Variants in PAK5 observed in about 807,000 individuals in gnomAD.
PAK5 encodes serine/threonine-protein kinase PAK 5.
In PAK5, 16 loss-of-function variants were observed where a neutral mutation model predicts 65.9. The ratio of observed to expected loss-of-function variants is 0.24; its 90% CI spans 0.16 to 0.37. The LOEUF is 0.37. Among genes scored for constraint, PAK5 ranks in the 10% least tolerant of loss-of-function variants. PAK5 has a pLI of 1.00. For synonymous variants in PAK5, 371 were observed against 354.9 expected, an observed-to-expected ratio of 1.05 and a Z score of -0.51; for missense variants, 785 against 903.9, an observed-to-expected ratio of 0.87 and a Z score of 1.69.
At chr20:9,582,009 A>AT (rs369933688) in intron 3 of PAK5, among the ~76,000 whole-genome samples, 2 of 150,886 alleles carry the variant, frequency 1.3e-5, no homozygotes, top group Admixed American at 6.6e-5. Context: ...CAAAGGGTTT[A>AT]TTTTTTTTCT....
rs1187958206 is a variant in PAK5 at position 9,580,652 on chromosome 20, T to G, written c.483A>C (p.Arg161Ser). Residue 161 changes from arginine to serine, a missense_variant, in exon 4 of 10, where the codon AGA becomes AGC. Around this residue, in one of 4 missense-constraint regions of PAK5, gnomAD observed 422 missense variants for 413.3 expected, o/e 1.02. Transcript: ENST00000353224. ...CATTTTGCTTGGCTGCGTGGCTGCC[T>G]CTATAATACGGATCCAGATCATCTC... ...LYGDDLDPYY[R>S]GSHAAKQNGH... 6.2e-7 allele frequency: 1 copy of G among 1,614,106 alleles called. No homozygotes were observed. The highest frequency in any genetic ancestry group is 8.5e-7 in the Non-Finnish European group (1 of 1,180,006).
At chr20:9,606,277 C>T (rs933942937) in intron 3 of PAK5, among the ~76,000 whole-genome samples, 1 of 152,230 alleles carries the variant, frequency 6.6e-6, no homozygotes, top group African/African-American at 2.4e-5. Flanking sequence ...ATCTGCTCCA[C>T]CTCTGCCTTC....
intron 1 of PAK5, among the ~76,000 whole-genome samples, chr20:9,713,808 C>T (rs2048108347): frequency 6.6e-6 from 1 of 151,912 alleles, no homozygotes; most frequent in South Asian, 2.1e-4. Context: ...AAATGTAGAC[C>T]TCACGGAGGT....
At chr20:9,771,892 G>T (rs912843006) in intron 1 of PAK5, among the ~76,000 whole-genome samples, 4 of 151,994 alleles carry the variant, frequency 2.6e-5, no homozygotes, top group African/African-American at 9.7e-5. Context: ...ACAAAAATTA[G>T]CCAGGTGTGC....
At chr20:9,590,399 C>G (rs78988147) in intron 3 of PAK5, among the ~76,000 whole-genome samples, 1 of 152,098 alleles carries the variant, frequency 6.6e-6, no homozygotes, top group African/African-American at 2.4e-5. Context: ...AAATCTGGCC[C>G]TCTGCCTGTT....
intron 1 of PAK5, among the ~76,000 whole-genome samples, chr20:9,774,106 AAGAAAGTGT>A (rs1197636835): frequency 3.3e-5 from 5 of 152,230 alleles, no homozygotes; most frequent in African/African-American, 1.2e-4. Flanking sequence ...TCGCCATGGT[AAGAAAGTGT>A]CAATCTGGGA....
intron 1 of PAK5, among the ~76,000 whole-genome samples, chr20:9,837,886 A>G (rs2123799279): frequency 6.6e-6 from 1 of 152,290 alleles, no homozygotes; most frequent in African/African-American, 2.4e-5. Flanking sequence ...TAAAAAGACC[A>G]CCATAAATAG....
intron 1 of PAK5, among the ~76,000 whole-genome samples, chr20:9,728,508 C>G (rs972693366): frequency 2.0e-5 from 3 of 152,064 alleles, no homozygotes; most frequent in Admixed American, 2.0e-4. Context: ...AGCCTTCAGA[C>G]TAATCCAAAT....
chr20:9,650,767 C>T (rs56110327), intron 2 of PAK5, among the ~76,000 whole-genome samples: 22,734 of 152,106 alleles, frequency 0.15, 2,197 homozygotes, highest in South Asian at 0.37. Flanking sequence ...CTTATGGTCC[C>T]CACTTCCCAG....
intron 1 of PAK5, among the ~76,000 whole-genome samples, chr20:9,771,992 C>T (rs371795984): frequency 4.6e-5 from 7 of 152,178 alleles, no homozygotes; most frequent in African/African-American, 1.2e-4. Context: ...GAACAGAGAT[C>T]GCACCACTGC....
chr20:9,589,673 T>C (rs917586666), intron 3 of PAK5, among the ~76,000 whole-genome samples: 2 of 152,222 alleles, frequency 1.3e-5, no homozygotes, highest in Non-Finnish European at 2.9e-5. Context: ...TTCTGTTTTT[T>C]TGTTTGTTTG....
intron 6 of PAK5, among the ~76,000 whole-genome samples, chr20:9,561,257 C>T (rs986787879): frequency 6.6e-6 from 1 of 151,888 alleles, no homozygotes; most frequent in Non-Finnish European, 1.5e-5. Context: ...TCCATGGATA[C>T]AAAATAAGAA....
chr20:9,600,491 T>G (rs942467391), intron 3 of PAK5, among the ~76,000 whole-genome samples: 1 of 152,246 alleles, frequency 6.6e-6, no homozygotes, highest in African/African-American at 2.4e-5. Flanking sequence ...GAGGATGTCT[T>G]TTCATTTATT....
chr20:9,576,803 C>T (rs2045892577), intron 4 of PAK5, among the ~76,000 whole-genome samples: 1 of 152,198 alleles, frequency 6.6e-6, no homozygotes, highest in Non-Finnish European at 1.5e-5. Context: ...CCCATTTCCT[C>T]ATCTGTACAA....
intron 3 of PAK5, among the ~76,000 whole-genome samples, chr20:9,628,068 C>T (rs913197098): frequency 1.3e-5 from 2 of 152,124 alleles, no homozygotes; most frequent in African/African-American, 4.8e-5. Flanking sequence ...GAGAGAAAAT[C>T]TCAAAATATT....
At chr20:9,681,491 G>A (rs1266240132) in intron 2 of PAK5, among the ~76,000 whole-genome samples, 1 of 152,060 alleles carries the variant, frequency 6.6e-6, no homozygotes, top group Non-Finnish European at 1.5e-5. Context: ...GGTCAATCAA[G>A]TATTTGTTAT....
At position 9,563,160 on chromosome 20, in the gene PAK5, C is replaced by G. The variant is rs1476748046; in HGVS notation, c.1483-136G>C. The stretch of plus-strand genomic sequence containing the variant: ...GGAAGTTTATTCAGAAAATCTATTA[C>G]AGACAAAAAGCATCAAGGGTAGCTA... On this transcript the variant is annotated intron_variant, in intron 5 of 9. Transcript: ENST00000353224. 6.3e-6 allele frequency: 5 copies of G among 794,306 alleles called. No homozygotes were observed. In the Admixed American group the frequency reaches 1.2e-4, roughly 19 times the overall value. The allele number at this position is 794,306 out of a possible 1,614,324, so 49.2% of individuals were successfully genotyped here. A position where few individuals can be genotyped will look rare whatever the true frequency, so the allele number is the denominator to read the frequency against.
At chr20:9,571,871 TGA>T (rs2045788267) in intron 4 of PAK5, among the ~76,000 whole-genome samples, 2 of 33,806 alleles carry the variant, frequency 5.9e-5, no homozygotes, top group Admixed American at 3.5e-4. Context: ...TAGGCATGAA[TGA>T]TGGGGGGGGG....
At chr20:9,785,333 A>G (rs117850279) in intron 1 of PAK5, among the ~76,000 whole-genome samples, 2,726 of 152,338 alleles carry the variant, frequency 0.018, 35 homozygotes, top group Non-Finnish European at 0.029. Flanking sequence ...GTGTATGATT[A>G]CAACAACAAA....
Sources: allele counts gnomAD v4.1 joint callset (sites outside exome capture counted in the v4.1 genomes callset), GRCh38; gene constraint gnomAD v4.1.1; regional missense constraint gnomAD v4.1.1; transcripts MANE v1.5; gene names NCBI Gene and HGNC (gene_info 2026-07-23, HGNC 2026-07-21).